The following UBE3C variants were observed in gnomAD, a reference collection of about 807,000 sequenced individuals.
UBE3C encodes ubiquitin-protein ligase E3C.
Under a neutral mutation model 129.4 loss-of-function variants are expected in UBE3C, and 42 were observed. The ratio of observed to expected loss-of-function variants is 0.32; its 90% confidence interval spans 0.25 to 0.42. The LOEUF is 0.42. UBE3C is among the 10% of genes least tolerant of loss of function. The pLI, the probability that UBE3C is intolerant of heterozygous loss-of-function variation, is 1.00. For missense variants in UBE3C, 1,049 were observed against 1,319.1 expected (o/e 0.80, Z 3.17); for synonymous variants, 510 against 492.4 (o/e 1.04, Z -0.47).
intron 18 of UBE3C, among the ~76,000 whole-genome samples, chr7:157,239,929 A>G (rs574931776): frequency 6.6e-6 from 1 of 152,344 alleles, no homozygotes; most frequent in East Asian, 1.9e-4. Flanking sequence ...GTGATGCAGC[A>G]GAGAGCAAGG....
At chr7:157,163,623 A>G (rs1413814295) in intron 1 of UBE3C, among the ~76,000 whole-genome samples, 187 bp from the exon 2 acceptor site, 1 of 152,180 alleles carries the variant, frequency 6.6e-6, no homozygotes, top group Non-Finnish European at 1.5e-5. Context: ...CTTGTATTAT[A>G]TCTAGTGACC....
At chr7:157,150,832 G>A (rs182786196) in intron 1 of UBE3C, among the ~76,000 whole-genome samples, 3 of 152,326 alleles carry the variant, frequency 2.0e-5, no homozygotes, top group Non-Finnish European at 4.4e-5. Flanking sequence ...GCTTATTGCT[G>A]TGTAATAGAG....
In UBE3C at chr7:157,186,949, A is replaced by T. The variant is rs1353766252; in HGVS notation, c.1259A>T (p.Glu420Val). 6.2e-7 allele frequency: 1 copy of T among 1,613,642 alleles called. No individual in the cohort carries two copies. The highest frequency in any genetic ancestry group is 1.3e-5 in the African/African-American group (1 of 74,908). ...GTGTGGAGGGACTCTGCGAGCGAGG[A>T]GGTCTTCACCACCATGGCCTCCGTC... ...NLVWRDSASEEVFTTMASVCH... is the reference protein window; with the variant it reads ...NLVWRDSASEVVFTTMASVCH... The change falls in exon 10 of 23, where the codon GAG becomes GTG. Residue 420 changes from glutamate to valine, a missense_variant. By Grantham distance (121) the Glu-to-Val change is moderately radical. This residue lies in a region of UBE3C where 489 missense variants were observed against 513.8 expected (regional missense o/e 0.95). Transcript: ENST00000348165.
intron 14 of UBE3C, among the ~76,000 whole-genome samples, chr7:157,217,612 A>T (rs1795618440): frequency 6.6e-6 from 1 of 151,892 alleles, no homozygotes; most frequent in Non-Finnish European, 1.5e-5. Context: ...CGACGGGCAG[A>T]TCACTTAAAG....
At chr7:157,195,514 A>G (rs1161008581) in intron 10 of UBE3C, among the ~76,000 whole-genome samples, 2 of 152,300 alleles carry the variant, frequency 1.3e-5, no homozygotes, top group East Asian at 3.9e-4. Flanking sequence ...GGTTTTGTAA[A>G]TTGATGGTGC....
intron 9 of UBE3C, among the ~76,000 whole-genome samples, chr7:157,184,444 A>G (rs1808754106): frequency 6.6e-6 from 1 of 152,214 alleles, no homozygotes; most frequent in Non-Finnish European, 1.5e-5. Context: ...AATTACTTTC[A>G]AGTTCTTATC....
rs1584806030 is a variant in UBE3C, at chr7:157,231,074, TAACAGAG to T, written c.2234-5_2235del. 9 of 1,611,222 alleles carry T rather than the reference TAACAGAG, an allele frequency of 5.6e-6. No individual in the cohort carries two copies. The highest frequency in any genetic ancestry group is 3.4e-5 in the Admixed American group (2 of 59,524). On this transcript the variant is annotated splice_acceptor_variant and splice_polypyrimidine_tract_variant and coding_sequence_variant and intron_variant, in exon 18 of 23. Transcript: ENST00000348165. LOFTEE classifies it high-confidence loss of function. Reference sequence around the variant, plus strand: ...TCCTCCTCACCCTCCCATTTTTTTTTAACAGAGCCTGATTTGAAAAAGCGGATCCGTG... The same window carrying T: ...TCCTCCTCACCCTCCCATTTTTTTTTCCTGATTTGAAAAAGCGGATCCGTG...
At chr7:157,263,920 TTAATGTAGATATGCA>T (rs1352201280) in intron 22 of UBE3C, among the ~76,000 whole-genome samples, 1 of 152,082 alleles carries the variant, frequency 6.6e-6, no homozygotes. Context: ...TGAGTGTGTG[TTAATGTAGATATGCA>T]TAATTTTTTC....
intron 2 of UBE3C, among the ~76,000 whole-genome samples, chr7:157,166,594 C>T (rs951331618): frequency 6.6e-6 from 1 of 151,862 alleles, no homozygotes; most frequent in East Asian, 2.0e-4. Flanking sequence ...TACAAAATTA[C>T]CCAGGCATGC....
chr7:157,201,599 G>A, intron 10 of UBE3C, 122 bp from the exon 11 acceptor site: 1 of 665,874 alleles, frequency 1.5e-6, no homozygotes, highest in Non-Finnish European at 2.3e-6. Context: ...TATTAGTACA[G>A]AGATTTGCTA....
At chr7:157,140,014 G>T (rs1051933528) in intron 1 of UBE3C, 18 of 985,398 alleles carry the variant, frequency 1.8e-5, no homozygotes, top group South Asian at 4.7e-5. Context: ...TAAGTTGTTC[G>T]CATGGTAATT....
At position 157,225,519 on chromosome 7, in the gene UBE3C, A is replaced by G; in HGVS notation, c.2213A>G (p.Asp738Gly). 2 of 1,590,892 alleles carry G rather than the reference A, an allele frequency of 1.3e-6. No individual in the cohort carries two copies. Among genetic ancestry groups the G allele is most frequent in the Non-Finnish European group, 1.7e-6 (2 of 1,173,864 alleles). Reference protein sequence around the residue: ...RRNYIYEDAYDKLSPENEPDL... With the variant: ...RRNYIYEDAYGKLSPENEPDL... Reference sequence around the variant, plus strand: ...AATTACATTTATGAAGATGCTTATGACAAACTTTCTCCAGAAAATGGTATA... The same window carrying G: ...AATTACATTTATGAAGATGCTTATGGCAAACTTTCTCCAGAAAATGGTATA... The change falls in exon 17 of 23, where the codon GAC (aspartate) becomes GGC (glycine). Residue 738 changes from aspartate (D) to glycine (G), a missense_variant. Asp to Gly is a moderately conservative substitution (Grantham distance 94, BLOSUM62 -1). This residue lies in a region of UBE3C where 314 missense variants were observed against 416.9 expected (regional missense o/e 0.75). Transcript: ENST00000348165.
At chr7:157,212,243 C>T (rs1435892344) in intron 13 of UBE3C, among the ~76,000 whole-genome samples, 1 of 151,958 alleles carries the variant, frequency 6.6e-6, no homozygotes, top group Admixed American at 6.5e-5. Flanking sequence ...GTTTTAGTTA[C>T]CAGATTTTAC....
intron 18 of UBE3C, among the ~76,000 whole-genome samples, chr7:157,243,975 T>C (rs1157016443): frequency 1.3e-5 from 2 of 152,170 alleles, no homozygotes; most frequent in African/African-American, 2.4e-5. Context: ...CTCACACCTG[T>C]AATCCCAGCA....
intron 10 of UBE3C, among the ~76,000 whole-genome samples, chr7:157,197,249 CTT>C (rs1232865408): frequency 1.3e-5 from 2 of 152,266 alleles, no homozygotes; most frequent in East Asian, 3.9e-4. Flanking sequence ...CATCAAGAAA[CTT>C]TAGTGCAAAT....
chr7:157,184,206 G>A (rs923799948), intron 9 of UBE3C, among the ~76,000 whole-genome samples, 177 bp downstream of exon 9: 49 of 152,146 alleles, frequency 3.2e-4, no homozygotes, highest in Admixed American at 2.8e-3. Context: ...CTCTCCCACC[G>A]CTTTGTTAGC....
Position 157,216,812 on chromosome 7 carries a change from G to A in UBE3C, c.1810-55G>A, listed in dbSNP as rs1449380329. ...TCCTCGAGTGAATGTATGGCTCACT[G>A]TGCATTGTGCTGCCGAGCTCACGTG... is the stretch of plus-strand genomic sequence containing the variant. On this transcript the variant is annotated intron_variant, in intron 13 of 22. Coordinates refer to ENST00000348165, the MANE Select transcript of UBE3C (RefSeq NM_014671.3). 76 of 1,380,170 alleles carry A rather than the reference G, an allele frequency of 5.5e-5. No homozygotes were observed. In the South Asian group the frequency reaches 8.5e-4, roughly 16 times the overall value. The allele number at this position is 1,380,170 out of a possible 1,614,324, so 85.5% of individuals were successfully genotyped here.
chr7:157,257,978 C>T (rs1252144467), intron 22 of UBE3C, among the ~76,000 whole-genome samples: 2 of 147,682 alleles, frequency 1.4e-5, no homozygotes, highest in Non-Finnish European at 3.0e-5. Flanking sequence ...GATGAGCACT[C>T]GCTGTATCAC....
intron 18 of UBE3C, 36 bp downstream of exon 18, chr7:157,231,363 CA>C: frequency 6.2e-7 from 1 of 1,602,058 alleles, no homozygotes; most frequent in South Asian, 1.1e-5. Context: ...GACCTCGGAC[CA>C]AAAGATGTTG....
Sources: allele counts gnomAD v4.1 joint callset (sites outside exome capture counted in the v4.1 genomes callset), GRCh38; gene constraint gnomAD v4.1.1; regional missense constraint gnomAD v4.1.1; transcripts MANE v1.5; gene names NCBI Gene and HGNC (gene_info 2026-07-23, HGNC 2026-07-21).